PAH: variants seen among roughly 807,000 people sequenced by gnomAD.
PAH encodes the protein phenylalanine-4-hydroxylase.
A neutral mutation model predicts 62.0 loss-of-function variants in PAH; 64 were observed. The observed-to-expected ratio is 1.03, with a 90% CI of 0.84 to 1.27. The LOEUF (loss-of-function observed/expected upper bound fraction) is 1.27, where lower values mean the gene tolerates loss of function less well. Ranked by LOEUF, PAH falls within the 50% of genes most tolerant of loss-of-function variation. The probability of loss-of-function intolerance (pLI) is 0.00; values close to 1 mark genes in which losing one functional copy is unlikely to be tolerated. For missense variants in PAH, 579 were observed against 542.8 expected (o/e 1.07, Z -0.66); for synonymous variants, 195 against 196.2 (o/e 0.99, Z 0.05).
At chr12:102,946,180 G>A (rs1879486879) in intron 1 of PAH, 1 of 152,208 alleles carries the variant, frequency 6.6e-6, no homozygotes, top group African/African-American at 2.4e-5. Flanking sequence ...CTCAAACAGA[G>A]GGAAGGAGTC....
At chr12:102,904,334 G>T (rs1282458925) in intron 2 of PAH, among the ~76,000 whole-genome samples, 2 of 152,120 alleles carry the variant, frequency 1.3e-5, no homozygotes, top group Non-Finnish European at 2.9e-5. Context: ...CTGATAGTTT[G>T]GAGTTCATAA....
chr12:102,897,463 G>A (rs200360312), intron 2 of PAH, among the ~76,000 whole-genome samples: 4,863 of 104,242 alleles, frequency 0.047, 359 homozygotes, highest in African/African-American at 0.17. Context: ...GTGTGTGTGT[G>A]TGTATATATA....
intron 3 of PAH, among the ~76,000 whole-genome samples, chr12:102,882,218 C>G (rs948404417): frequency 3.3e-5 from 5 of 152,140 alleles, no homozygotes; most frequent in African/African-American, 1.2e-4. Context: ...CTTGAAATTG[C>G]CTTGGCATGG....
At chr12:102,910,374 T>G (rs1277365412) in intron 2 of PAH, among the ~76,000 whole-genome samples, 1 of 143,230 alleles carries the variant, frequency 7.0e-6, no homozygotes, top group Non-Finnish European at 1.6e-5. Flanking sequence ...TGAAATTCCT[T>G]TTTTTTTTTT....
chr12:102,861,241 C>T (rs531493025), intron 5 of PAH, among the ~76,000 whole-genome samples: 2 of 152,310 alleles, frequency 1.3e-5, no homozygotes, highest in African/African-American at 2.4e-5. Context: ...TGCTCATCAT[C>T]ACTGGCCATC....
At chr12:102,913,219 A>G (rs1878269811) in intron 1 of PAH, among the ~76,000 whole-genome samples, 2 of 152,338 alleles carry the variant, frequency 1.3e-5, no homozygotes, top group African/African-American at 4.8e-5. Flanking sequence ...TTGGGCTCTG[A>G]GAAATTTAAA....
chr12:102,908,517 G>A (rs945332263), intron 2 of PAH, among the ~76,000 whole-genome samples: 4 of 152,018 alleles, frequency 2.6e-5, no homozygotes, highest in African/African-American at 7.2e-5. Flanking sequence ...CCCATTGCTC[G>A]CTTGCTCTCA....
rs1371158864 is a variant in PAH, at chr12:102,957,909, T to TC, written c.-96+285_-96+286insG. 4.6e-6 allele frequency: 1 copy of TC among 218,382 alleles called. No homozygotes were observed. The highest frequency in any genetic ancestry group is 8.7e-6 in the Non-Finnish European group (1 of 115,032). The allele number at this position is 218,382 out of a possible 1,614,324, so 13.5% of individuals were successfully genotyped here. A position where few individuals can be genotyped will look rare whatever the true frequency, so the allele number is the denominator to read the frequency against. On this transcript the variant is annotated intron_variant, in intron 1 of 4. Coordinates refer to the PAH transcript ENST00000551337. This position sits in a 1 kb window ranked among gnomAD's most constrained non-coding sequence, Gnocchi z 4.1. Reference sequence around the variant, plus strand: ...ACTGACTTTTGCTGCTGCTTCTGCTTTTTTTTTTCTTAGAAACAAGAAGGC... The same window carrying TC: ...ACTGACTTTTGCTGCTGCTTCTGCTTCTTTTTTTTCTTAGAAACAAGAAGGC...
At chr12:102,871,658 C>A (rs749508043) in intron 4 of PAH, among the ~76,000 whole-genome samples, 1 of 152,106 alleles carries the variant, frequency 6.6e-6, no homozygotes, top group Non-Finnish European at 1.5e-5. Context: ...TGCAGTGGCT[C>A]ATGCCTGTAA....
At position 102,894,429 on chromosome 12, in the gene PAH, T is replaced by TAA. The variant is rs3062651; in HGVS notation, c.352+304_352+305dup. Among the ~76,000 whole-genome samples the TAA allele has an allele frequency of 2.3e-3, 326 of 138,952 alleles. 2 individuals carry two copies. The highest frequency in any genetic ancestry group is 5.7e-3 in the South Asian group (25 of 4,368). The allele number at this position is 138,952 out of a possible 152,430, so 91.2% of individuals were successfully genotyped here. ...AAATAAAAATTAAAAGCTTATAAAG[T>TAA]AAAAAAAAAAAAGAAAAAAGAAATA... On this transcript the variant is annotated intron_variant, in intron 3 of 12. Coordinates refer to ENST00000553106, the MANE Select transcript of PAH (RefSeq NM_000277.3).
intron 2 of PAH, 48 bp from the exon 3 acceptor site, chr12:102,894,966 G>T (rs151301819): frequency 2.3e-4 from 326 of 1,390,354 alleles, no homozygotes; most frequent in Non-Finnish European, 3.2e-4. Context: ...TGGAACTAAC[G>T]CAGGCCAAAG....
chr12:102,874,638 T>G (rs957363543), intron 4 of PAH, among the ~76,000 whole-genome samples: 1 of 152,198 alleles, frequency 6.6e-6, no homozygotes, highest in Non-Finnish European at 1.5e-5. Flanking sequence ...TATCATTAGT[T>G]AACTAAAAGA....
At position 102,925,949 on chromosome 12, in the gene PAH, C is replaced by A. The variant is rs574235042; in HGVS notation, c.-95-8724G>T. Among the ~76,000 whole-genome samples, 8 of 152,186 alleles carry A rather than the reference C, an allele frequency of 5.3e-5. No individual in the cohort carries two copies. In the East Asian group the frequency reaches 1.4e-3, roughly 26 times the overall value. On this transcript the variant is annotated intron_variant, in intron 1 of 3. Transcript: ENST00000546844. ...ATGTATGATCTCAAGACTCTGAAGTCATTGCATGAGCATCCCTTCTCGGCA... is the reference window on the plus strand; with the variant it reads ...ATGTATGATCTCAAGACTCTGAAGTAATTGCATGAGCATCCCTTCTCGGCA...
At chr12:102,939,342 G>C (rs563543683) in intron 1 of PAH, among the ~76,000 whole-genome samples, 2 of 152,118 alleles carry the variant, frequency 1.3e-5, no homozygotes, top group Non-Finnish European at 2.9e-5. Context: ...AAAGAGGCCA[G>C]ACTGTCTTCC....
chr12:102,850,637 G>A (rs1565845677), intron 8 of PAH, among the ~76,000 whole-genome samples: 1 of 152,158 alleles, frequency 6.6e-6, no homozygotes, highest in African/African-American at 2.4e-5. Flanking sequence ...GGCTGATAAT[G>A]TAACCCCAGG....
At chr12:102,844,597 G>T (rs1874749015) in intron 9 of PAH, among the ~76,000 whole-genome samples, 166 bp from the exon 10 acceptor site, 1 of 152,212 alleles carries the variant, frequency 6.6e-6, no homozygotes. Flanking sequence ...TCAGTGGACT[G>T]AGTGGGGAAG....
At chr12:102,895,153 A>T (rs1877449060) in intron 2 of PAH, among the ~76,000 whole-genome samples, 1 of 152,208 alleles carries the variant, frequency 6.6e-6, no homozygotes, top group Non-Finnish European at 1.5e-5. Context: ...TCACAATTTA[A>T]TCACATGAAA....
Position 102,843,711 on chromosome 12 carries a change from AGT to A in PAH, c.1132_1133del (p.Thr378CysfsTer15). On this transcript the variant is annotated frameshift_variant, in exon 11 of 13. Coordinates refer to ENST00000553106, the MANE Select transcript of PAH (RefSeq NM_000277.3). LOFTEE classifies it high-confidence loss of function. Reference protein sequence around the residue: ...ELEKTAIQNYTVTEFQPLYYV... With the variant: ...ELEKTAIQNYXVTEFQPLYYV... Reference sequence around the variant, plus strand: ...AATAGAGGGGCTGGAACTCCGTGACAGTGTAATTTTGGATGGCTGTCTTCTCC... The same window carrying A: ...AATAGAGGGGCTGGAACTCCGTGACAGTAATTTTGGATGGCTGTCTTCTCC... 1 of 1,613,762 alleles carries A rather than the reference AGT, an allele frequency of 6.2e-7. No individual in the cohort carries two copies. Among genetic ancestry groups the A allele is most frequent in the Non-Finnish European group, 8.5e-7 (1 of 1,179,730 alleles).
upstream of PAH, chr12:102,958,385 G>C: frequency 6.6e-7 from 1 of 1,510,992 alleles, no homozygotes; most frequent in Non-Finnish European, 8.8e-7. Context: ...CAGCGGCAGC[G>C]CAGAGCGCGC....
Sources: gnomAD v4.1 joint callset for allele counts (sites outside exome capture counted in the v4.1 genomes callset) on GRCh38, gnomAD v4.1.1 for gene constraint, Gnocchi (gnomAD v3.1) non-coding constraint, MANE v1.5 for transcripts, NCBI Gene and HGNC (gene_info 2026-07-23, HGNC 2026-07-21) for gene names.